KIF13B: variants seen among roughly 807,000 people sequenced by gnomAD.
KIF13B encodes the protein kinesin-like protein KIF13B.
KIF13B carries 127 observed loss-of-function variants against 222.0 expected under a neutral mutation model. The ratio of observed to expected loss-of-function variants is 0.57; its 90% CI spans 0.50 to 0.66. The LOEUF (loss-of-function observed/expected upper bound fraction) is 0.66. KIF13B is among the 30% of genes least tolerant of loss of function. KIF13B has a pLI of 0.00. For missense variants in KIF13B, 2,173 were observed against 2,379.0 expected (o/e 0.91, Z 1.80); for synonymous variants, 976 against 919.0 (o/e 1.06, Z -1.12).
intron 37 of KIF13B, among the ~76,000 whole-genome samples, chr8:29,080,331 A>G (rs1807748147): frequency 1.3e-5 from 2 of 149,952 alleles, no homozygotes; most frequent in African/African-American, 5.0e-5. Flanking sequence ...CAGTCTCAAA[A>G]AAAAAAAAAA....
At chr8:29,157,085 A>AG (rs552743928) in intron 13 of KIF13B, among the ~76,000 whole-genome samples, 106 of 151,838 alleles carry the variant, frequency 7.0e-4, no homozygotes, top group African/African-American at 2.5e-3. Flanking sequence ...AACCTTACAG[A>AG]TTTTTCCTCC....
rs756736461 is a variant in KIF13B at position 29,263,050 on chromosome 8, G to A, written c.-16C>T. 9.5e-6 allele frequency: 15 copies of A among 1,575,842 alleles called. No homozygotes were observed. The highest frequency in any genetic ancestry group is 1.7e-4 in the Middle Eastern group (1 of 5,952). Reference sequence around the variant, plus strand: ...AGTCCCCCATCCTGCAGCCGCCGAGGAACTCGTTCGGCTTCCGTCTGCCGC... The same window carrying A: ...AGTCCCCCATCCTGCAGCCGCCGAGAAACTCGTTCGGCTTCCGTCTGCCGC... On this transcript the variant is annotated 5_prime_UTR_variant, in exon 1 of 40. Transcript: ENST00000524189.
intron 2 of KIF13B, among the ~76,000 whole-genome samples, chr8:29,222,774 C>T (rs1447673507): frequency 1.3e-5 from 2 of 152,042 alleles, no homozygotes; most frequent in Admixed American, 1.3e-4. Flanking sequence ...ATTACACCTG[C>T]TACTGTTTCA....
chr8:29,263,024 G>A lies in KIF13B; in HGVS notation c.11C>T (p.Ser4Phe), dbSNP rs752467946. The A allele has an allele frequency of 8.1e-6, 13 of 1,598,264 alleles. No individual in the cohort carries two copies. The highest frequency in any genetic ancestry group is 2.3e-5 in the East Asian group (1 of 43,830). Reference sequence around the variant, plus strand: ...TATCCGCACCGCCACTTTCACTTTGGAGTCCCCCATCCTGCAGCCGCCGAG... The same window carrying A: ...TATCCGCACCGCCACTTTCACTTTGAAGTCCCCCATCCTGCAGCCGCCGAG... MGD[S>F]KVKVAVRIRP... is the part of the protein sequence containing the mutation. The change falls in exon 1 of 40, where the codon TCC (serine) becomes TTC (phenylalanine). Residue 4 changes from serine to phenylalanine, a missense_variant. Coordinates refer to ENST00000524189, the MANE Select transcript of KIF13B (RefSeq NM_015254.4).
chr8:29,184,456 G>A (rs1011726978), intron 6 of KIF13B, among the ~76,000 whole-genome samples: 4 of 152,112 alleles, frequency 2.6e-5, no homozygotes, highest in African/African-American at 9.7e-5. Flanking sequence ...ACAGCCCTCT[G>A]AGATAATTGT....
At chr8:29,174,587 C>T (rs1458373454) in intron 10 of KIF13B, among the ~76,000 whole-genome samples, 4 of 152,050 alleles carry the variant, frequency 2.6e-5, no homozygotes, top group African/African-American at 9.7e-5. Flanking sequence ...AATTTTGTTC[C>T]TAATAATTAT....
At chr8:29,115,716 C>T (rs1403329496) in intron 31 of KIF13B, among the ~76,000 whole-genome samples, 1 of 152,170 alleles carries the variant, frequency 6.6e-6, no homozygotes, top group African/African-American at 2.4e-5. Context: ...GAGCCATGCT[C>T]CTTGGCACAG....
At chr8:29,181,188 A>G (rs1041740392) in intron 7 of KIF13B, among the ~76,000 whole-genome samples, 1 of 152,192 alleles carries the variant, frequency 6.6e-6, no homozygotes, top group Non-Finnish European at 1.5e-5. Flanking sequence ...ATCTTGAACT[A>G]TGGGAATAAG....
chr8:29,127,156 G>A lies in KIF13B; in HGVS notation c.3188C>T (p.Pro1063Leu), dbSNP rs1301109730. The A allele has an allele frequency of 8.1e-6, 13 of 1,613,778 alleles. No homozygotes were observed. Among genetic ancestry groups the A allele is most frequent in the East Asian group, 2.2e-5 (1 of 44,892 alleles). The change falls in exon 25 of 40, where the codon CCG (proline) becomes CTG (leucine). Residue 1063 changes from proline to leucine, a missense_variant. Physicochemically the swap from Pro to Leu is moderately conservative, Grantham distance 98. Around this residue, in one of 2 missense-constraint regions of KIF13B, gnomAD observed 1,480 missense variants for 1,722.8 expected, o/e 0.86. Transcript: ENST00000524189. ...CTCATGTGTTCTGGGGGCTCTGAGCGGTCTAACTTTGACACATCCAATGCC... is the reference window on the plus strand; with the variant it reads ...CTCATGTGTTCTGGGGGCTCTGAGCAGTCTAACTTTGACACATCCAATGCC... ...SVGIGCVKVR[P>L]LRAPRTHETF...
chr8:29,187,331 C>T (rs1327411386), intron 5 of KIF13B, among the ~76,000 whole-genome samples: 5 of 152,180 alleles, frequency 3.3e-5, no homozygotes, highest in Admixed American at 3.3e-4. Context: ...AGTTTGAGAC[C>T]AGCCTGGCCA....
chr8:29,176,924 A>G (rs1328753610), intron 9 of KIF13B, among the ~76,000 whole-genome samples: 2 of 152,226 alleles, frequency 1.3e-5, no homozygotes, highest in African/African-American at 2.4e-5. Context: ...CAAGCATGAC[A>G]GTGTTTAGTA....
chr8:29,181,487 C>T (rs1329064531), intron 7 of KIF13B, among the ~76,000 whole-genome samples: 2 of 152,126 alleles, frequency 1.3e-5, no homozygotes, highest in African/African-American at 4.8e-5. Context: ...TGAACACAAT[C>T]CTACCTGACA....
chr8:29,116,293 C>T (rs192410543), intron 31 of KIF13B, among the ~76,000 whole-genome samples: 2 of 152,176 alleles, frequency 1.3e-5, no homozygotes, highest in Admixed American at 1.3e-4. Context: ...CATGGCGAGA[C>T]CCCGTCTCCA....
In KIF13B at chr8:29,093,308, A is replaced by ATAAC. The variant is rs376253180; in HGVS notation, c.4325-434_4325-431dup. On this transcript the variant is annotated intron_variant, in intron 36 of 39. Transcript: ENST00000524189. ...TATGTCTTATTCAATCTAATTTTTC[A>ATAAC]TAACTACTGAAGGAAGATGATGAAA... is the stretch of plus-strand genomic sequence containing the variant. Among the ~76,000 whole-genome samples the ATAAC allele has an allele frequency of 4.3e-3, 654 of 152,340 alleles. 7 individuals are homozygous for ATAAC. Among genetic ancestry groups the ATAAC allele is most frequent in the African/African-American group, 0.015 (612 of 41,574 alleles).
At chr8:29,123,263 G>T in intron 28 of KIF13B, 103 bp downstream of exon 28, 1 of 1,265,412 alleles carries the variant, frequency 7.9e-7, no homozygotes, top group Non-Finnish European at 1.1e-6. Context: ...TTCCCCCCAT[G>T]CTATTGACTC....
chr8:29,129,211 G>A (rs1810242469), intron 24 of KIF13B, among the ~76,000 whole-genome samples: 1 of 152,184 alleles, frequency 6.6e-6, no homozygotes, highest in Admixed American at 6.5e-5. Context: ...GGTGTCAGAA[G>A]TATGACAAAT....
At chr8:29,226,541 C>A (rs1815033923) in intron 2 of KIF13B, among the ~76,000 whole-genome samples, 1 of 152,132 alleles carries the variant, frequency 6.6e-6, no homozygotes, top group Non-Finnish European at 1.5e-5. Flanking sequence ...GACACTCACC[C>A]ATCCAACCCT....
intron 17 of KIF13B, among the ~76,000 whole-genome samples, chr8:29,146,889 G>A (rs1033300527): frequency 1.3e-5 from 2 of 152,192 alleles, no homozygotes; most frequent in Non-Finnish European, 2.9e-5. Context: ...TAAAAGGGAA[G>A]CTGCCTGCCT....
intron 26 of KIF13B, among the ~76,000 whole-genome samples, chr8:29,125,532 C>A (rs1421399196): frequency 6.6e-6 from 1 of 152,146 alleles, no homozygotes; most frequent in Non-Finnish European, 1.5e-5. Flanking sequence ...CCATAGGACT[C>A]TGTATTTAAT....
Sources: gnomAD v4.1 joint callset for allele counts (sites outside exome capture counted in the v4.1 genomes callset) on GRCh38, gnomAD v4.1.1 for gene constraint, gnomAD v4.1.1 regional missense constraint, MANE v1.5 for transcripts, NCBI Gene and HGNC (gene_info 2026-07-23, HGNC 2026-07-21) for gene names.